The following MGAT5B variants were observed in gnomAD, a reference collection of about 807,000 sequenced individuals.
MGAT5B encodes alpha-1,6-mannosylglycoprotein 6-beta-N-acetylglucosaminyltransferase B, also known as N-acetylglucosaminyl-transferase Vb.
MGAT5B carries 54 observed loss-of-function variants against 95.1 expected under a neutral mutation model. The observed-to-expected ratio is 0.57, with a 90% CI of 0.46 to 0.71. The LOEUF is 0.71. MGAT5B is among the 30% of genes least tolerant of loss of function. The pLI, the probability that MGAT5B is intolerant of heterozygous loss-of-function variation, is 0.00. For synonymous variants in MGAT5B, 464 were observed against 451.0 expected, an observed-to-expected ratio of 1.03 and a Z score of -0.36; for missense variants, 935 against 1,088.6, an observed-to-expected ratio of 0.86 and a Z score of 1.99.
intron 10 of MGAT5B, among the ~76,000 whole-genome samples, chr17:76,927,185 T>C (rs1348274159): frequency 6.6e-6 from 1 of 152,170 alleles, no homozygotes; most frequent in East Asian, 1.9e-4. Context: ...AGGATTGGGC[T>C]TGGCTTCCAG....
intron 12 of MGAT5B, among the ~76,000 whole-genome samples, chr17:76,934,541 C>T (rs1372555157): frequency 6.6e-6 from 1 of 152,098 alleles, no homozygotes; most frequent in Non-Finnish European, 1.5e-5. Context: ...TGAGGCTCCC[C>T]ATGCCGATTG....
In MGAT5B at chr17:76,905,819, ATGAGGGCAAGCACGTGACTATCT is replaced by A. The variant is rs11283949; in HGVS notation, c.856-196_856-174del. 0.13 allele frequency among the ~76,000 whole-genome samples: 20,384 copies of A among 152,132 alleles called. 1,783 individuals are homozygous for A. The highest frequency in any genetic ancestry group is 0.22 in the African/African-American group (9,074 of 41,482). On this transcript the variant is annotated intron_variant, in intron 7 of 17. Transcript: ENST00000569840. The surrounding 1 kb of genome is among the most constrained non-coding windows in gnomAD (Gnocchi z 4.2). ...CTCTTCCATCTGGAACATTAGCTCCATGAGGGCAAGCACGTGACTATCTTGTTCGCCCGTGTCCCCAGTGCCCG... is the reference window on the plus strand; with the variant it reads ...CTCTTCCATCTGGAACATTAGCTCCATGTTCGCCCGTGTCCCCAGTGCCCG...
chr17:76,930,666 T>C lies in MGAT5B; in HGVS notation c.1292-1979T>C, dbSNP rs1003601684. Among the ~76,000 whole-genome samples the C allele has an allele frequency of 6.6e-6, 1 of 152,188 alleles. No homozygotes were observed. Among genetic ancestry groups the C allele is most frequent in the Non-Finnish European group, 1.5e-5 (1 of 68,038 alleles). On this transcript the variant is annotated intron_variant, in intron 10 of 17. Transcript: ENST00000569840. This position sits in a 1 kb window ranked among gnomAD's most constrained non-coding sequence, Gnocchi z 4.1. The stretch of plus-strand genomic sequence containing the variant: ...CTGCACTCCACACACGGCCATGGAA[T>C]TGGAGCGTGAGATCAAACATGTTCC...
intron 16 of MGAT5B, among the ~76,000 whole-genome samples, chr17:76,946,963 T>C (rs1345166955): frequency 6.6e-6 from 1 of 152,208 alleles, no homozygotes; most frequent in Admixed American, 6.5e-5. Flanking sequence ...GTACACTCCT[T>C]CTCCTCCCAC....
chr17:76,883,499 C>G (rs1436612728), intron 3 of MGAT5B, among the ~76,000 whole-genome samples: 1 of 152,120 alleles, frequency 6.6e-6, no homozygotes, highest in Non-Finnish European at 1.5e-5. Flanking sequence ...GTGTGACATC[C>G]AAATCATGTG....
rs1968948207 is a variant in MGAT5B at position 76,916,641 on chromosome 17, T to A, written c.1026-8325T>A. Among the ~76,000 whole-genome samples the A allele has an allele frequency of 6.6e-6, 1 of 151,898 alleles. No individual in the cohort carries two copies. Among genetic ancestry groups the A allele is most frequent in the Non-Finnish European group, 1.5e-5 (1 of 67,982 alleles). ...AAACCTCATCTCTACAAGAAAAAACTCAGAAAGAAATGAGGAGAAGGGCTG... is the reference window on the plus strand; with the variant it reads ...AAACCTCATCTCTACAAGAAAAAACACAGAAAGAAATGAGGAGAAGGGCTG... On this transcript the variant is annotated intron_variant, in intron 8 of 17. Transcript: ENST00000569840. This position sits in a 1 kb window ranked among gnomAD's most constrained non-coding sequence, Gnocchi z 5.3.
intron 8 of MGAT5B, among the ~76,000 whole-genome samples, chr17:76,909,931 T>C (rs1173135496): frequency 2.0e-5 from 3 of 152,120 alleles, no homozygotes. Context: ...AGTGAGGCTA[T>C]GGGGCAGAGG....
At chr17:76,935,007 G>T (rs77289024) in intron 12 of MGAT5B, among the ~76,000 whole-genome samples, 25,613 of 152,094 alleles carry the variant, frequency 0.17, 2,433 homozygotes, top group East Asian at 0.39. Flanking sequence ...AAGGCGTTGG[G>T]TGAACTTTGT....
At position 76,914,516 on chromosome 17, in the gene MGAT5B, G is replaced by A. The variant is rs116920443; in HGVS notation, c.1025+8329G>A. 5.3e-3 allele frequency among the ~76,000 whole-genome samples: 814 copies of A among 152,344 alleles called. 2 individuals are homozygous for A. The highest frequency in any genetic ancestry group is 8.6e-3 in the Non-Finnish European group (584 of 68,030). On this transcript the variant is annotated intron_variant, in intron 8 of 17. Transcript: ENST00000569840. This position sits in a 1 kb window ranked among gnomAD's most constrained non-coding sequence, Gnocchi z 5.1. ...CTCCCTCTGAAGGCACTAGGGAAGCGTCAGTCCCAGCCTCTCCCCTGTCTT... is the reference window on the plus strand; with the variant it reads ...CTCCCTCTGAAGGCACTAGGGAAGCATCAGTCCCAGCCTCTCCCCTGTCTT...
At chr17:76,934,844 T>C (rs886899684) in intron 12 of MGAT5B, among the ~76,000 whole-genome samples, 10 of 152,096 alleles carry the variant, frequency 6.6e-5, no homozygotes, top group Admixed American at 6.6e-4. Context: ...CAGAGGTGGC[T>C]GGATGGAGAG....
chr17:76,927,658 C>T (rs561689983), intron 10 of MGAT5B, among the ~76,000 whole-genome samples: 1 of 152,382 alleles, frequency 6.6e-6, no homozygotes, highest in South Asian at 2.1e-4. Context: ...TCTCTGCCTC[C>T]CGGGCGCATG....
chr17:76,876,071 C>T (rs776006792), intron 2 of MGAT5B, among the ~76,000 whole-genome samples: 10 of 152,132 alleles, frequency 6.6e-5, no homozygotes, highest in South Asian at 2.1e-4. Context: ...TTCTTTCATA[C>T]CCTTGGATCA....
In MGAT5B at chr17:76,926,986, G is replaced by C. The variant is rs534601466; in HGVS notation, c.1291+256G>C. Among the ~76,000 whole-genome samples the C allele has an allele frequency of 4.6e-5, 7 of 152,316 alleles. No individual in the cohort carries two copies. In the South Asian group the frequency reaches 1.5e-3, roughly 32 times the overall value. ...GGTGACCTCCCCGACTCCAGCAGAT[G>C]TAGCCTTCACCCTCCAGGAGGGAGG... is the stretch of plus-strand genomic sequence containing the variant. On this transcript the variant is annotated intron_variant, in intron 10 of 17. Transcript: ENST00000569840.
intron 13 of MGAT5B, among the ~76,000 whole-genome samples, chr17:76,939,578 A>G (rs985553056): frequency 3.3e-5 from 5 of 152,128 alleles, no homozygotes; most frequent in African/African-American, 4.8e-5. Context: ...ACCTGGGTAT[A>G]TTGCATAATG....
Position 76,884,857 on chromosome 17 carries a change from T to C in MGAT5B, c.329+2559T>C, listed in dbSNP as rs1967565400. ...GACCTCGTGATCCACCTGCCTCGGC[T>C]TCCCAAAGTGCTGGGATTATAGGTG... is the stretch of plus-strand genomic sequence containing the variant. On this transcript the variant is annotated intron_variant, in intron 3 of 17. Transcript: ENST00000569840. 2.0e-5 allele frequency among the ~76,000 whole-genome samples: 3 copies of C among 152,162 alleles called. No homozygotes were observed. In the South Asian group the frequency reaches 6.2e-4, roughly 32 times the overall value.
chr17:76,934,711 C>G (rs28542686), intron 12 of MGAT5B, among the ~76,000 whole-genome samples: 39,755 of 152,078 alleles, frequency 0.26, 5,465 homozygotes, highest in East Asian at 0.52. Context: ...GAAAGAGAAA[C>G]GTTTTATCTC....
At chr17:76,892,147 A>T (rs899838780) in intron 3 of MGAT5B, among the ~76,000 whole-genome samples, 6 of 152,152 alleles carry the variant, frequency 3.9e-5, no homozygotes, top group Non-Finnish European at 1.5e-5. Context: ...TTCTGGGCTC[A>T]AGCAATCCTC....
chr17:76,870,044 C>T lies in MGAT5B; in HGVS notation c.68+947C>T, dbSNP rs1598878516. Reference sequence around the variant, plus strand: ...AGCTGGGGGAGTGACCGCCCCGGCGCGGGGGCCGGACTCGGGACGTGGCCA... The same window carrying T: ...AGCTGGGGGAGTGACCGCCCCGGCGTGGGGGCCGGACTCGGGACGTGGCCA... On this transcript the variant is annotated intron_variant, in intron 1 of 17. Coordinates refer to ENST00000569840, the MANE Select transcript of MGAT5B (RefSeq NM_001199172.2). This position sits in a 1 kb window ranked among gnomAD's most constrained non-coding sequence, Gnocchi z 5.0. Among the ~76,000 whole-genome samples, 2 of 152,302 alleles carry T rather than the reference C, an allele frequency of 1.3e-5. No homozygotes were observed. Among genetic ancestry groups the T allele is most frequent in the South Asian group, 4.1e-4 (2 of 4,834 alleles).
intron 10 of MGAT5B, among the ~76,000 whole-genome samples, 162 bp from the exon 11 acceptor site, chr17:76,932,483 A>G (rs1562085): frequency 0.95 from 145,088 of 152,148 alleles, 69,279 homozygotes; most frequent in East Asian, 0.98. Context: ...GAAGGGGGTC[A>G]CAGGCCGGGG....
Sources: allele counts gnomAD v4.1 joint callset (sites outside exome capture counted in the v4.1 genomes callset), GRCh38; gene constraint gnomAD v4.1.1; non-coding constraint Gnocchi (gnomAD v3.1); transcripts MANE v1.5; gene names NCBI Gene and HGNC (gene_info 2026-07-23, HGNC 2026-07-21).